The following ITGA6 variants were observed in gnomAD, a reference collection of about 807,000 sequenced individuals.
ITGA6 encodes integrin alpha-6.
A neutral mutation model predicts 133.6 loss-of-function variants in ITGA6; 63 were observed. The observed-to-expected ratio is 0.47, with a 90% CI of 0.38 to 0.58. The LOEUF (loss-of-function observed/expected upper bound fraction) is 0.58. Among genes scored for constraint, ITGA6 ranks in the 20% least tolerant of loss-of-function variants. The pLI is 0.00. For synonymous variants in ITGA6, 434 were observed against 482.0 expected, an observed-to-expected ratio of 0.90 and a Z score of 1.30; for missense variants, 1,068 against 1,309.4, an observed-to-expected ratio of 0.82 and a Z score of 2.85.
Position 172,427,897 on chromosome 2 carries a change from T to G in ITGA6, c.109T>G (p.Tyr37Asp). The G allele has an allele frequency of 6.2e-7, 1 of 1,607,346 alleles. No individual in the cohort carries two copies. Among genetic ancestry groups the G allele is most frequent in the Non-Finnish European group, 8.5e-7 (1 of 1,177,264 alleles). The change falls in exon 1 of 26, where the codon TAT (tyrosine) becomes GAT (aspartate). Residue 37 changes from tyrosine to aspartate, a missense_variant. This residue lies in a region of ITGA6 where 142 missense variants were observed against 145.3 expected (regional missense o/e 0.98). Transcript: ENST00000684293. ...TCGGGAGGACAACGTGATCCGGAAA[T>G]ATGGAGACCCCGGGAGCCTCTTCGG... ...DTREDNVIRK[Y>D]GDPGSLFGFS...
intron 1 of ITGA6, among the ~76,000 whole-genome samples, chr2:172,430,221 G>A (rs1300699864): frequency 6.6e-6 from 1 of 152,226 alleles, no homozygotes; most frequent in African/African-American, 2.4e-5. Context: ...CTTAATGCCT[G>A]TCTGGCATGG....
chr2:172,477,182 T>C (rs1489586019), intron 9 of ITGA6, among the ~76,000 whole-genome samples: 1 of 152,172 alleles, frequency 6.6e-6, no homozygotes, highest in Non-Finnish European at 1.5e-5. Context: ...TATTTCCTTA[T>C]TATAAATTCC....
intron 25 of ITGA6, among the ~76,000 whole-genome samples, chr2:172,503,134 G>A (rs752506709): frequency 4.0e-5 from 6 of 151,694 alleles, no homozygotes; most frequent in Admixed American, 1.3e-4. Context: ...TGTTACTATT[G>A]ACGTCACACA....
chr2:172,438,418 CAG>C (rs1216398967), intron 1 of ITGA6, among the ~76,000 whole-genome samples: 3 of 151,734 alleles, frequency 2.0e-5, no homozygotes, highest in African/African-American at 7.2e-5. Context: ...TCTAATTTCT[CAG>C]TGAATAATAA....
At chr2:172,468,173 G>A (rs1179447310) in intron 3 of ITGA6, among the ~76,000 whole-genome samples, 2 of 152,138 alleles carry the variant, frequency 1.3e-5, no homozygotes, top group African/African-American at 4.8e-5. Flanking sequence ...TAGCTTTATA[G>A]ATAAGTTAGT....
chr2:172,455,310 C>G (rs1285271281), intron 1 of ITGA6, among the ~76,000 whole-genome samples: 3 of 152,216 alleles, frequency 2.0e-5, no homozygotes, highest in African/African-American at 7.2e-5. Context: ...GAGAGTGGCT[C>G]TTACTAATAA....
chr2:172,448,099 G>T (rs1462020994), intron 1 of ITGA6, among the ~76,000 whole-genome samples: 1 of 152,142 alleles, frequency 6.6e-6, no homozygotes, highest in Non-Finnish European at 1.5e-5. Flanking sequence ...CTCTTTCAAG[G>T]AGGCAGGAAA....
chr2:172,476,319 T>A (rs949229347), intron 8 of ITGA6, 76 bp from the exon 9 acceptor site: 1 of 833,182 alleles, frequency 1.2e-6, no homozygotes, highest in Non-Finnish European at 2.1e-6. Context: ...AAGAAACTTG[T>A]GTGTCTTTTT....
At chr2:172,494,441 G>A (rs1025265552) in intron 23 of ITGA6, among the ~76,000 whole-genome samples, 2 of 152,072 alleles carry the variant, frequency 1.3e-5, no homozygotes, top group African/African-American at 2.4e-5. Flanking sequence ...TCAGGAAGTC[G>A]AGGCTGCAGT....
intron 1 of ITGA6, among the ~76,000 whole-genome samples, chr2:172,444,604 C>CA (rs368148277): frequency 0.011 from 1,262 of 118,672 alleles, 32 homozygotes; most frequent in African/African-American, 0.038. Context: ...CGCCCCCCGC[C>CA]AAAAAAAACC....
At chr2:172,474,331 G>A in intron 6 of ITGA6, 66 bp downstream of exon 6, 1 of 1,377,744 alleles carries the variant, frequency 7.3e-7, no homozygotes, top group East Asian at 2.3e-5. Context: ...CTATACGACT[G>A]GAGAAGAGCC....
chr2:172,474,830 G>T (rs1686095335), intron 6 of ITGA6, 99 bp from the exon 7 acceptor site: 2 of 755,610 alleles, frequency 2.6e-6, no homozygotes, highest in Admixed American at 3.6e-5. Flanking sequence ...GGAGTTGAGG[G>T]CCTTTCTATT....
At position 172,479,716 on chromosome 2, in the gene ITGA6, G is replaced by A. The variant is rs780596840; in HGVS notation, c.1464G>A (p.Ala488=). 62 of 1,613,704 alleles carry A rather than the reference G, an allele frequency of 3.8e-5. No homozygotes were observed. The highest frequency in any genetic ancestry group is 6.7e-5 in the East Asian group (3 of 44,872). ...PNRIDLRQKT[A]CGAPSGICLQ... Reference sequence around the variant, plus strand: ...GAATTGACCTCCGCCAGAAAACAGCGTGTGGGGCGCCTAGTGGGATATGGT... The same window carrying A: ...GAATTGACCTCCGCCAGAAAACAGCATGTGGGGCGCCTAGTGGGATATGGT... The change falls in exon 10 of 26, where the codon GCG becomes GCA. Residue 488 remains alanine (A), a synonymous_variant. Transcript: ENST00000684293.
At chr2:172,489,978 T>C (rs1217931727) in intron 20 of ITGA6, 2 of 286,478 alleles carry the variant, frequency 7.0e-6, no homozygotes, top group South Asian at 4.2e-5. Context: ...TAGTAGCTGC[T>C]GTTATCCAGG....
intron 3 of ITGA6, among the ~76,000 whole-genome samples, chr2:172,468,233 C>A (rs759488653): frequency 6.6e-6 from 1 of 152,110 alleles, no homozygotes; most frequent in African/African-American, 2.4e-5. Context: ...GTTTTAACCT[C>A]TTGTTATTTA....
chr2:172,465,821 T>TA, intron 2 of ITGA6, 158 bp downstream of exon 2: 2 of 1,051,002 alleles, frequency 1.9e-6, no homozygotes, highest in Non-Finnish European at 2.9e-6. Flanking sequence ...AATATTTACT[T>TA]ACTTTACTTC....
intron 13 of ITGA6, among the ~76,000 whole-genome samples, chr2:172,486,195 A>AAAAAAC (rs1295573243): frequency 6.7e-6 from 1 of 150,126 alleles, no homozygotes. Context: ...AAAAAAAAAA[A>AAAAAAC]AACAACTAAT....
Position 172,467,480 on chromosome 2 carries a change from GCTGACCC to G in ITGA6, c.309_315del (p.Asp104ArgfsTer24). The G allele has an allele frequency of 6.2e-7, 1 of 1,612,686 alleles. No homozygotes were observed. Among genetic ancestry groups the G allele is most frequent in the Non-Finnish European group, 8.5e-7 (1 of 1,178,874 alleles). On this transcript the variant is annotated frameshift_variant and splice_region_variant, in exon 3 of 26. Coordinates refer to ENST00000684293, the MANE Select transcript of ITGA6 (RefSeq NM_000210.4). LOFTEE classifies it high-confidence loss of function. Reference sequence around the variant, plus strand: ...AAGGCTAACTATGCTCCTTTCTACAGCTGACCCCACGTCAGAAAGCAAGGAAGATCAG... The same window carrying G: ...AAGGCTAACTATGCTCCTTTCTACAGCACGTCAGAAAGCAAGGAAGATCAG...
chr2:172,451,649 T>C (rs1027449486), intron 1 of ITGA6, among the ~76,000 whole-genome samples: 3 of 152,094 alleles, frequency 2.0e-5, no homozygotes, highest in African/African-American at 7.2e-5. Context: ...AGTGAATGGA[T>C]GGTGTTTCCA....
Sources: gnomAD v4.1 joint callset for allele counts (sites outside exome capture counted in the v4.1 genomes callset) on GRCh38, gnomAD v4.1.1 for gene constraint, gnomAD v4.1.1 regional missense constraint, MANE v1.5 for transcripts, NCBI Gene and HGNC (gene_info 2026-07-23, HGNC 2026-07-21) for gene names.